Variants in LRRFIP1 observed in about 807,000 individuals in gnomAD.
The protein encoded by LRRFIP1 is LRR binding FLII interacting protein 1.
A neutral mutation model predicts 104.4 loss-of-function variants in LRRFIP1; 62 were observed. That is an observed-to-expected ratio of 0.59 (90% CI 0.48 to 0.73). LRRFIP1 has a LOEUF of 0.73. Among genes scored for constraint, LRRFIP1 ranks in the 30% least tolerant of loss-of-function variants. The pLI, the probability that LRRFIP1 is intolerant of heterozygous loss-of-function variation, is 0.00. For synonymous variants in LRRFIP1, 300 were observed against 299.0 expected (o/e 1.00, Z -0.03); for missense variants, 796 against 824.5 (o/e 0.97, Z 0.42).
intron 5 of LRRFIP1, 32 bp from the exon 6 acceptor site, chr2:237,720,740 T>C (rs963958497): frequency 6.2e-7 from 1 of 1,604,126 alleles, no homozygotes; most frequent in Non-Finnish European, 8.5e-7. Flanking sequence ...GTATGATTCC[T>C]TCACGGTTGT....
intron 1 of LRRFIP1, among the ~76,000 whole-genome samples, chr2:237,688,917 C>T (rs1341106542): frequency 1.3e-5 from 2 of 151,924 alleles, no homozygotes; most frequent in East Asian, 3.9e-4. Flanking sequence ...TTTTGTGTAT[C>T]TCCATGTTTC....
chr2:237,629,963 TCA>T (rs2082120806), intron 1 of LRRFIP1, among the ~76,000 whole-genome samples: 1 of 152,172 alleles, frequency 6.6e-6, no homozygotes, highest in Non-Finnish European at 1.5e-5. Flanking sequence ...GGTGAGTTAC[TCA>T]CTCTTCTCTG....
chr2:237,738,752 A>G (rs910062775), intron 10 of LRRFIP1, among the ~76,000 whole-genome samples: 5 of 152,234 alleles, frequency 3.3e-5, no homozygotes, highest in African/African-American at 1.2e-4. Context: ...TTAAAAAGCC[A>G]TACATAATTT....
intron 1 of LRRFIP1, among the ~76,000 whole-genome samples, chr2:237,648,530 C>A (rs1162602500): frequency 1.3e-5 from 2 of 151,176 alleles, no homozygotes; most frequent in Non-Finnish European, 3.0e-5. Flanking sequence ...GAGTTTGAGA[C>A]CAGCCTGGTC....
At chr2:237,779,050 C>T (rs972569133) in intron 23 of LRRFIP1, among the ~76,000 whole-genome samples, 2 of 152,136 alleles carry the variant, frequency 1.3e-5, no homozygotes, top group Admixed American at 6.5e-5. Flanking sequence ...GGCAAAACCC[C>T]GTCTCTACTA....
chr2:237,687,026 T>G (rs564502741), intron 1 of LRRFIP1, among the ~76,000 whole-genome samples: 1 of 152,330 alleles, frequency 6.6e-6, no homozygotes, highest in Non-Finnish European at 1.5e-5. Flanking sequence ...CGTGATGACT[T>G]TCTGCTCTGA....
At chr2:237,712,681 G>GT (rs1200015358) in intron 2 of LRRFIP1, among the ~76,000 whole-genome samples, 1 of 152,192 alleles carries the variant, frequency 6.6e-6, no homozygotes, top group Non-Finnish European at 1.5e-5. Flanking sequence ...GCTCACACAC[G>GT]TGAGCATCTG....
chr2:237,638,796 T>G (rs143966309), intron 1 of LRRFIP1, among the ~76,000 whole-genome samples: 4 of 152,224 alleles, frequency 2.6e-5, no homozygotes, highest in African/African-American at 9.6e-5. Flanking sequence ...TACATTGCAA[T>G]AGAGGTATGT....
intron 19 of LRRFIP1, chr2:237,765,147 C>G (rs1302784405): frequency 1.0e-5 from 2 of 191,330 alleles, no homozygotes; most frequent in Non-Finnish European, 1.9e-5. Flanking sequence ...CCTGTAATCC[C>G]AGCCACTCCA....
At chr2:237,643,204 G>A (rs558514305) in intron 1 of LRRFIP1, among the ~76,000 whole-genome samples, 7 of 152,364 alleles carry the variant, frequency 4.6e-5, no homozygotes, top group East Asian at 3.9e-4. Context: ...CCGCGCACTC[G>A]CTACACCTCT....
rs538307837 is a variant in LRRFIP1 at position 237,766,652 on chromosome 2, C to T, written c.1460-3291C>T. Among the ~76,000 whole-genome samples, 23 of 152,310 alleles carry T rather than the reference C, an allele frequency of 1.5e-4. No homozygotes were observed. In the South Asian group the frequency reaches 3.1e-3, roughly 21 times the overall value. ...GTTTGATCACTTTGTACATGGAAGG[C>T]ACTGTGCCAGTGAACAAGCAGTTGG... On this transcript the variant is annotated intron_variant, in intron 19 of 23. Transcript: ENST00000308482. The surrounding 1 kb of genome is among the most constrained non-coding windows in gnomAD (Gnocchi z 4.8).
At position 237,692,352 on chromosome 2, in the gene LRRFIP1, C is replaced by G. The variant is rs112369010; in HGVS notation, c.97-16192C>G. 8.9e-3 allele frequency: 11,369 copies of G among 1,272,726 alleles called. 614 individuals are homozygous for G. In the African/African-American group the frequency reaches 0.14, roughly 15 times the overall value. 78.8% of individuals were successfully genotyped at this position (1,272,726 alleles called of 1,614,324 possible). On this transcript the variant is annotated intron_variant, in intron 1 of 23. Coordinates refer to ENST00000308482, the MANE Select transcript of LRRFIP1 (RefSeq NM_001137550.2). ...GCGTTCACTTAGCGGCGAGTGGCTC[C>G]GTCTCCGCGGACAGAGCGCGCGCCC...
intron 10 of LRRFIP1, 120 bp from the exon 11 acceptor site, chr2:237,739,112 C>T (rs546701407): frequency 9.2e-6 from 7 of 760,210 alleles, no homozygotes; most frequent in African/African-American, 5.2e-5. Context: ...CCTTGCCGTG[C>T]GTGGCTAACC....
chr2:237,678,343 G>A (rs2091400295), intron 1 of LRRFIP1, among the ~76,000 whole-genome samples: 1 of 152,166 alleles, frequency 6.6e-6, no homozygotes, highest in African/African-American at 2.4e-5. Context: ...CTGCAGCAGG[G>A]GGTACACAGC....
chr2:237,779,020 G>A (rs1012159350), intron 23 of LRRFIP1, among the ~76,000 whole-genome samples: 3 of 152,072 alleles, frequency 2.0e-5, no homozygotes, highest in East Asian at 1.9e-4. Flanking sequence ...TCAGGAGATC[G>A]AGACCATCCT....
At chr2:237,640,875 CT>C (rs943422441) in intron 1 of LRRFIP1, among the ~76,000 whole-genome samples, 38 of 152,306 alleles carry the variant, frequency 2.5e-4, no homozygotes, top group African/African-American at 8.7e-4. Context: ...CTTCCAACCC[CT>C]GGCCTCTCTT....
At position 237,720,785 on chromosome 2, in the gene LRRFIP1, A is replaced by G. The variant is rs2094509673; in HGVS notation, c.308A>G (p.Asp103Gly). The G allele has an allele frequency of 3.1e-6, 5 of 1,614,094 alleles. No homozygotes were observed. The African/African-American group carries it at 5.3e-5, about 17-fold the overall frequency. Residue 103 changes from aspartate to glycine, a missense_variant, in exon 6 of 24, where the codon GAC becomes GGC. By Grantham distance (94) the Asp-to-Gly change is moderately conservative. Coordinates refer to ENST00000308482, the MANE Select transcript of LRRFIP1 (RefSeq NM_001137550.2). ...SRRNTSASDE[D>G]ERMSVGSRGS... ...TTCTTTTAATAGGCTTCTGATGAAG[A>G]CGAGCGCATGTCAGTGGGTAGTCGT...
intron 1 of LRRFIP1, among the ~76,000 whole-genome samples, chr2:237,671,031 A>T (rs189971507): frequency 1.3e-5 from 2 of 152,208 alleles, no homozygotes; most frequent in Non-Finnish European, 2.9e-5. Flanking sequence ...GTTCCATTCC[A>T]TCCCTCGCAT....
intron 19 of LRRFIP1, chr2:237,765,435 TAAA>T (rs60482580): frequency 0.026 from 11,726 of 445,136 alleles, no homozygotes; most frequent in Middle Eastern, 0.034. Context: ...ACACTGTCTC[TAAA>T]AAAAAAAAAA....
Sources: allele counts gnomAD v4.1 joint callset (sites outside exome capture counted in the v4.1 genomes callset), GRCh38; gene constraint gnomAD v4.1.1; non-coding constraint Gnocchi (gnomAD v3.1); transcripts MANE v1.5; gene names NCBI Gene and HGNC (gene_info 2026-07-23, HGNC 2026-07-21).